The following RAB31 variants were observed in gnomAD, a reference collection of about 807,000 sequenced individuals.
The protein encoded by RAB31 is ras-related protein Rab-31.
RAB31 carries 21 observed loss-of-function variants against 25.6 expected under a neutral mutation model. The ratio of observed to expected loss-of-function variants is 0.82; its 90% CI spans 0.58 to 1.18. RAB31 has a LOEUF of 1.18. RAB31 is among the 50% of genes most tolerant of loss of function. The pLI is 0.00. For synonymous variants in RAB31, 87 were observed against 84.0 expected (o/e 1.04, Z -0.20); for missense variants, 196 against 250.1 (o/e 0.78, Z 1.46).
At chr18:9,841,177 C>T (rs2068731655) in intron 5 of RAB31, among the ~76,000 whole-genome samples, 1 of 151,942 alleles carries the variant, frequency 6.6e-6, no homozygotes, top group Non-Finnish European at 1.5e-5. Context: ...AGCGATGCTC[C>T]TGCCTTGACC....
intron 1 of RAB31, among the ~76,000 whole-genome samples, chr18:9,752,185 CTGATTACA>C (rs1227309336): frequency 6.6e-6 from 1 of 152,146 alleles, no homozygotes; most frequent in East Asian, 1.9e-4. Context: ...CTTGCATTGA[CTGATTACA>C]TGTCTGTCTG....
intron 2 of RAB31, among the ~76,000 whole-genome samples, chr18:9,782,923 G>A (rs1387372236): frequency 3.3e-5 from 5 of 151,926 alleles, no homozygotes; most frequent in Non-Finnish European, 7.4e-5. Flanking sequence ...GTCTCACTGT[G>A]TTGTTGCCTA....
Position 9,860,066 on chromosome 18 carries a change from T to A in RAB31, c.*741T>A, listed in dbSNP as rs1225720377. 6.6e-6 allele frequency: 1 copy of A among 152,202 alleles called. No homozygotes were observed. The highest frequency in any genetic ancestry group is 1.5e-5 in the Non-Finnish European group (1 of 68,032). The allele number at this position is 152,202 out of a possible 1,614,324, so 9.4% of individuals were successfully genotyped here. On this transcript the variant is annotated 3_prime_UTR_variant, in exon 7 of 7. Coordinates refer to ENST00000578921, the MANE Select transcript of RAB31 (RefSeq NM_006868.4). ...GTGATTTAAGTAATCACTATGTAAG[T>A]GGTGAGAGATGCAGGACATACACAT... is the stretch of plus-strand genomic sequence containing the variant.
chr18:9,743,958 T>C (rs1388649583), intron 1 of RAB31, among the ~76,000 whole-genome samples: 4 of 152,228 alleles, frequency 2.6e-5, no homozygotes, highest in African/African-American at 9.7e-5. Flanking sequence ...ACTTACCTCC[T>C]CTATATGACC....
At chr18:9,751,454 C>T (rs140423335) in intron 1 of RAB31, among the ~76,000 whole-genome samples, 54 of 152,292 alleles carry the variant, frequency 3.5e-4, no homozygotes, top group African/African-American at 9.9e-4. Flanking sequence ...GACCTTGGCC[C>T]GCGGTGCAGA....
Position 9,812,762 on chromosome 18 carries a change from A to G in RAB31, c.202-1258A>G, listed in dbSNP as rs188462244. Among the ~76,000 whole-genome samples, 11 of 134,522 alleles carry G rather than the reference A, an allele frequency of 8.2e-5. No individual in the cohort carries two copies. The East Asian group carries it at 1.1e-3, about 14-fold the overall frequency. The allele number at this position is 134,522 out of a possible 152,430, so 88.3% of individuals were successfully genotyped here. On this transcript the variant is annotated intron_variant, in intron 3 of 6. Coordinates refer to ENST00000578921, the MANE Select transcript of RAB31 (RefSeq NM_006868.4). The stretch of plus-strand genomic sequence containing the variant: ...TTCCAGGCAGGAGTGCAGTTTTGCA[A>G]TCTTAGCTCACTGCAACCTCTGCCT...
Position 9,815,106 on chromosome 18 carries a change from G to T in RAB31, c.274-10G>T, listed in dbSNP as rs1212686105. ...GTCTTTCTAATGATTTGTGTACACT[G>T]TTGGTTTAGGATTCATTTTATACCT... is the stretch of plus-strand genomic sequence containing the variant. On this transcript the variant is annotated splice_polypyrimidine_tract_variant and intron_variant, in intron 4 of 6. Transcript: ENST00000578921. 6.6e-7 allele frequency: 1 copy of T among 1,508,106 alleles called. No homozygotes were observed. 93.4% of individuals were successfully genotyped at this position (1,508,106 alleles called of 1,614,324 possible). A position where few individuals can be genotyped will look rare whatever the true frequency, so the allele number is the denominator to read the frequency against.
intron 5 of RAB31, among the ~76,000 whole-genome samples, chr18:9,830,040 G>T (rs949412757): frequency 7.4e-6 from 1 of 135,206 alleles, no homozygotes; most frequent in South Asian, 2.7e-4. Flanking sequence ...TAGAGATAGG[G>T]TCTTACGTAG....
intron 6 of RAB31, among the ~76,000 whole-genome samples, chr18:9,852,823 G>A (rs2068795943): frequency 6.6e-6 from 1 of 152,134 alleles, no homozygotes; most frequent in African/African-American, 2.4e-5. Context: ...TCTTCCAAGT[G>A]GTTTTACTAC....
At chr18:9,725,332 T>C (rs890338307) in intron 1 of RAB31, among the ~76,000 whole-genome samples, 1 of 152,226 alleles carries the variant, frequency 6.6e-6, no homozygotes, top group African/African-American at 2.4e-5. Flanking sequence ...TCATCCTTAA[T>C]CTACCCTACT....
intron 3 of RAB31, among the ~76,000 whole-genome samples, chr18:9,810,533 C>T (rs1200936153): frequency 6.6e-6 from 1 of 152,080 alleles, no homozygotes; most frequent in East Asian, 1.9e-4. Context: ...TCATTAAAAC[C>T]CTCAAGTCCC....
chr18:9,715,514 GTCTC>G (rs756240422), intron 1 of RAB31, among the ~76,000 whole-genome samples: 23 of 138,042 alleles, frequency 1.7e-4, no homozygotes, highest in Non-Finnish European at 3.1e-4. Flanking sequence ...CTTGTCCTTT[GTCTC>G]TCTCTCTCTC....
chr18:9,789,637 A>G (rs1599039305), intron 2 of RAB31, among the ~76,000 whole-genome samples: 1 of 152,228 alleles, frequency 6.6e-6, no homozygotes, highest in East Asian at 1.9e-4. Flanking sequence ...CTGGGTGGTG[A>G]AATATGATTG....
chr18:9,738,110 T>C (rs2068159708), intron 1 of RAB31, among the ~76,000 whole-genome samples: 1 of 152,160 alleles, frequency 6.6e-6, no homozygotes, highest in Admixed American at 6.5e-5. Flanking sequence ...ACAGCCCTGG[T>C]TCCAATGACT....
chr18:9,835,590 T>C (rs572461248), intron 5 of RAB31, among the ~76,000 whole-genome samples: 5 of 152,322 alleles, frequency 3.3e-5, no homozygotes, highest in African/African-American at 1.2e-4. Context: ...CATGTGTTAT[T>C]AAGTAGGTGA....
intron 5 of RAB31, among the ~76,000 whole-genome samples, chr18:9,817,234 A>G (rs1032444525): frequency 2.0e-5 from 3 of 152,136 alleles, no homozygotes; most frequent in Non-Finnish European, 4.4e-5. Context: ...TATGGGACTA[A>G]TGTGCGCCTT....
At chr18:9,832,512 G>A (rs1388848304) in intron 5 of RAB31, among the ~76,000 whole-genome samples, 4 of 152,232 alleles carry the variant, frequency 2.6e-5, no homozygotes, top group South Asian at 2.1e-4. Context: ...TTACGAGACG[G>A]AAGCAACGCT....
intron 2 of RAB31, among the ~76,000 whole-genome samples, chr18:9,777,479 A>G (rs2068378177): frequency 6.6e-6 from 1 of 152,260 alleles, no homozygotes; most frequent in Non-Finnish European, 1.5e-5. Flanking sequence ...GTGAGAGACC[A>G]TAAAGAATTG....
chr18:9,832,947 C>T (rs1317336830), intron 5 of RAB31, among the ~76,000 whole-genome samples: 3 of 151,942 alleles, frequency 2.0e-5, no homozygotes, highest in East Asian at 2.0e-4. Flanking sequence ...TGAGGGTTCC[C>T]GCTGCCTACA....
Sources: gnomAD v4.1 joint callset for allele counts (sites outside exome capture counted in the v4.1 genomes callset) on GRCh38, gnomAD v4.1.1 for gene constraint, MANE v1.5 for transcripts, NCBI Gene and HGNC (gene_info 2026-07-23, HGNC 2026-07-21) for gene names.